The following NHS variants were observed in gnomAD, a reference collection of about 807,000 sequenced individuals.
NHS encodes the protein actin remodeling regulator NHS.
Under a neutral mutation model 72.5 loss-of-function variants are expected in NHS, and 5 were observed. That is an observed-to-expected ratio of 0.07 (90% CI 0.04 to 0.14). NHS has a LOEUF of 0.14. NHS is among the 10% of genes least tolerant of loss of function. The pLI is 1.00. For missense variants in NHS, 1,072 were observed against 1,355.7 expected (o/e 0.79, Z 3.29); for synonymous variants, 464 against 547.7 (o/e 0.85, Z 2.13).
chrX:17,397,199 C>T (rs896072181), intron 1 of NHS, among the ~76,000 whole-genome samples: 1 of 112,537 alleles, frequency 8.9e-6, no homozygotes, highest in African/African-American at 3.2e-5. Context: ...AGAACAACCC[C>T]AGGAGCCCCT....
intron 1 of NHS, among the ~76,000 whole-genome samples, chrX:17,644,015 C>T (rs1184247935): frequency 1.8e-5 from 2 of 112,365 alleles, no homozygotes; most frequent in African/African-American, 6.5e-5. Context: ...TATCTTATCT[C>T]ATTCAAAGTC....
chrX:17,729,888 C>T (rs373706852), intron 8 of NHS, among the ~76,000 whole-genome samples: 9 of 112,279 alleles, frequency 8.0e-5, no homozygotes, highest in African/African-American at 2.9e-4. Flanking sequence ...ACAAATTCAT[C>T]GTAAGCAGCT....
At chrX:17,703,861 G>A (rs1003531002) in intron 3 of NHS, among the ~76,000 whole-genome samples, 3 of 111,909 alleles carry the variant, frequency 2.7e-5, no homozygotes, top group Non-Finnish European at 1.9e-5. Flanking sequence ...AATGCAGGAG[G>A]CTCAATAGAG....
rs150230773 is a variant in NHS at position 17,462,863 on chromosome X, C to G, written c.565+86541C>G. 9.5e-3 allele frequency among the ~76,000 whole-genome samples: 1,068 copies of G among 111,856 alleles called. 18 individuals are homozygous for G. Among genetic ancestry groups the G allele is most frequent in the African/African-American group, 0.033 (1,012 of 30,763 alleles). On this transcript the variant is annotated intron_variant, in intron 1 of 8. Transcript: ENST00000676302. Reference sequence around the variant, plus strand: ...GGGGATCTGAAAACTCTCCAGAACACAGATGATAATAATAAGAAAGAAGAA... The same window carrying G: ...GGGGATCTGAAAACTCTCCAGAACAGAGATGATAATAATAAGAAAGAAGAA...
At chrX:17,474,907 G>A (rs1167998432) in intron 1 of NHS, among the ~76,000 whole-genome samples, 1 of 111,174 alleles carries the variant, frequency 9.0e-6, no homozygotes, top group Non-Finnish European at 1.9e-5. Flanking sequence ...GACAGGCAAA[G>A]CCTTTCAAAT....
chrX:17,402,661 A>G (rs1237408993), intron 1 of NHS, among the ~76,000 whole-genome samples: 1 of 111,786 alleles, frequency 8.9e-6, no homozygotes, highest in African/African-American at 3.3e-5. Flanking sequence ...ATGGGAAGTG[A>G]CTGCTAATGA....
chrX:17,728,123 A>T lies in NHS; in HGVS notation c.4017A>T (p.Gln1339His), dbSNP rs1222034763. Reference protein sequence around the residue: ...SPTRATDVSNQFKHQFVMSRH... With the variant: ...SPTRATDVSNHFKHQFVMSRH... ...CTAGAGCAACAGATGTAAGCAATCA[A>T]TTTAAGCATCAATTTGTTATGAGCC... Residue 1339 changes from glutamine (Q) to histidine (H), a missense_variant, in exon 7 of 9, where the codon CAA (glutamine) becomes CAT (histidine). Physicochemically the swap from Gln to His is conservative, Grantham distance 24. Transcript: ENST00000676302. 1 of 1,210,150 alleles carries T rather than the reference A, an allele frequency of 8.3e-7. No individual in the cohort carries two copies. Among genetic ancestry groups the T allele is most frequent in the Middle Eastern group, 2.3e-4 (1 of 4,377 alleles).
At chrX:17,612,709 C>T (rs867086558) in intron 1 of NHS, among the ~76,000 whole-genome samples, 13 of 111,897 alleles carry the variant, frequency 1.2e-4, no homozygotes, top group Middle Eastern at 9.2e-3. Flanking sequence ...CTTGGATCTT[C>T]CATCTGGTCC....
intron 1 of NHS, among the ~76,000 whole-genome samples, chrX:17,439,986 G>A (rs750692765): frequency 1.3e-4 from 14 of 111,405 alleles, no homozygotes; most frequent in African/African-American, 3.6e-4. Flanking sequence ...GAGGCCAGGC[G>A]TGGTGGCTCA....
chrX:17,688,205 C>G (rs1039757076), intron 2 of NHS, among the ~76,000 whole-genome samples: 3 of 112,121 alleles, frequency 2.7e-5, no homozygotes, highest in African/African-American at 9.7e-5. Context: ...AGTCAGATGT[C>G]TGCACTTGTC....
chrX:17,564,434 G>A (rs750763280), intron 1 of NHS, among the ~76,000 whole-genome samples: 2 of 112,201 alleles, frequency 1.8e-5, no homozygotes, highest in African/African-American at 3.2e-5. Context: ...AGAACCACTG[G>A]CCTAGATAGA....
chrX:17,441,523 A>G (rs1255847171), intron 1 of NHS, among the ~76,000 whole-genome samples: 1 of 111,836 alleles, frequency 8.9e-6, no homozygotes, highest in Non-Finnish European at 1.9e-5. Flanking sequence ...GTAGTCATCT[A>G]ATATTTTGGC....
At chrX:17,671,890 G>A (rs1052988897) in intron 1 of NHS, among the ~76,000 whole-genome samples, 1 of 112,137 alleles carries the variant, frequency 8.9e-6, no homozygotes, top group Admixed American at 9.4e-5. Flanking sequence ...CCATTGACAT[G>A]ATAGAGCAGT....
chrX:17,636,169 A>G (rs188621194), intron 1 of NHS, among the ~76,000 whole-genome samples: 175 of 111,657 alleles, frequency 1.6e-3, no homozygotes, highest in African/African-American at 5.4e-3. Flanking sequence ...AGACTTGTTT[A>G]TCTCCCAGTG....
intron 1 of NHS, among the ~76,000 whole-genome samples, chrX:17,655,701 C>G (rs1217431745): frequency 8.9e-6 from 1 of 112,789 alleles, no homozygotes; most frequent in Non-Finnish European, 1.9e-5. Flanking sequence ...CTGTCTACAC[C>G]GACAAGGCTC....
At chrX:17,541,767 A>AACACGCACACACACACACAC (rs2065264613) in intron 1 of NHS, among the ~76,000 whole-genome samples, 12 of 62,902 alleles carry the variant, frequency 1.9e-4, no homozygotes, top group Non-Finnish European at 2.5e-4. Context: ...TGAGTTTGCG[A>AACACGCACACACACACACAC]ACACACACAC....
intron 1 of NHS, among the ~76,000 whole-genome samples, chrX:17,453,254 G>A (rs187264866): frequency 2.7e-5 from 3 of 111,247 alleles, no homozygotes; most frequent in Non-Finnish European, 5.7e-5. Context: ...GGGGACAAAG[G>A]TTGATCCTAA....
chrX:17,525,455 A>T (rs930991506), intron 1 of NHS, among the ~76,000 whole-genome samples: 4 of 111,943 alleles, frequency 3.6e-5, no homozygotes, highest in Non-Finnish European at 7.5e-5. Flanking sequence ...AATGTTTCAA[A>T]ATACTTGTGT....
intron 1 of NHS, among the ~76,000 whole-genome samples, chrX:17,432,011 C>G (rs1305625012): frequency 8.9e-6 from 1 of 112,101 alleles, no homozygotes; most frequent in African/African-American, 3.2e-5. Context: ...CCACCATTGG[C>G]AAAGACTGAA....
Sources: allele counts gnomAD v4.1 joint callset (sites outside exome capture counted in the v4.1 genomes callset), GRCh38; gene constraint gnomAD v4.1.1; transcripts MANE v1.5; gene names NCBI Gene and HGNC (gene_info 2026-07-23, HGNC 2026-07-21).